The following DYNC1I1 variants were observed in gnomAD, a reference collection of about 807,000 sequenced individuals.
DYNC1I1 encodes the protein cytoplasmic dynein 1 intermediate chain 1.
A neutral mutation model predicts 86.6 loss-of-function variants in DYNC1I1; 43 were observed. That is an observed-to-expected ratio of 0.50 (90% CI 0.39 to 0.64). DYNC1I1 has a LOEUF of 0.64. Among genes scored for constraint, DYNC1I1 ranks in the 30% least tolerant of loss-of-function variants. The probability of loss-of-function intolerance (pLI) is 0.00; values close to 1 mark genes in which losing one functional copy is unlikely to be tolerated. For missense variants in DYNC1I1, 604 were observed against 788.8 expected, an observed-to-expected ratio of 0.77 and a Z score of 2.81; for synonymous variants, 262 against 283.7, an observed-to-expected ratio of 0.92 and a Z score of 0.77.
intron 14 of DYNC1I1, among the ~76,000 whole-genome samples, chr7:96,041,006 G>A (rs1317068682): frequency 3.9e-5 from 6 of 152,152 alleles, no homozygotes; most frequent in Non-Finnish European, 5.9e-5. Flanking sequence ...ACAGGCATGA[G>A]CCACCACACC....
chr7:95,919,255 T>C (rs559197599), intron 6 of DYNC1I1, among the ~76,000 whole-genome samples: 7 of 152,272 alleles, frequency 4.6e-5, no homozygotes, highest in African/African-American at 1.7e-4. Context: ...CTAGACATAA[T>C]ATTTTGTTGC....
chr7:95,838,160 T>C (rs1789170133), intron 5 of DYNC1I1, among the ~76,000 whole-genome samples: 1 of 152,258 alleles, frequency 6.6e-6, no homozygotes, highest in Admixed American at 6.5e-5. Flanking sequence ...AGTTGTATAG[T>C]TGCAGGTCTT....
At chr7:95,786,214 C>T (rs1037174850) in intron 1 of DYNC1I1, among the ~76,000 whole-genome samples, 11 of 152,042 alleles carry the variant, frequency 7.2e-5, no homozygotes, top group Middle Eastern at 3.2e-3. Context: ...TTCCCCATTG[C>T]GCCCTGCCAC....
intron 1 of DYNC1I1, among the ~76,000 whole-genome samples, chr7:95,798,076 T>C (rs1033322824): frequency 2.0e-5 from 3 of 152,188 alleles, no homozygotes; most frequent in African/African-American, 4.8e-5. Flanking sequence ...TTAATGTTAA[T>C]AGATAACCTA....
intron 5 of DYNC1I1, among the ~76,000 whole-genome samples, chr7:95,864,228 G>T (rs2116138549): frequency 6.6e-6 from 1 of 152,220 alleles, no homozygotes; most frequent in East Asian, 1.9e-4. Context: ...AAATGGAAAG[G>T]GGAATGGGGA....
chr7:95,946,260 A>G (rs11764244), intron 6 of DYNC1I1, among the ~76,000 whole-genome samples: 3,186 of 152,196 alleles, frequency 0.021, 55 homozygotes, highest in South Asian at 0.099. Context: ...ACGATTACCT[A>G]TGTCACAAAC....
chr7:96,108,973 C>A (rs1478337782), intron 16 of DYNC1I1, among the ~76,000 whole-genome samples: 7 of 151,704 alleles, frequency 4.6e-5, no homozygotes, highest in African/African-American at 1.5e-4. Context: ...TTCAAGGAAT[C>A]TATTTCATCC....
intron 6 of DYNC1I1, among the ~76,000 whole-genome samples, chr7:95,930,796 T>A (rs1014411579): frequency 6.6e-6 from 1 of 152,142 alleles, no homozygotes; most frequent in Non-Finnish European, 1.5e-5. Flanking sequence ...GTAAAAAAAA[T>A]ATTTAAAAAG....
chr7:96,068,473 A>G (rs1265921976), intron 14 of DYNC1I1, among the ~76,000 whole-genome samples: 1 of 152,160 alleles, frequency 6.6e-6, no homozygotes. Context: ...CTCTTTGAAA[A>G]TGTGTCTTTT....
intron 9 of DYNC1I1, among the ~76,000 whole-genome samples, chr7:95,992,422 T>A (rs2115734103): frequency 6.6e-6 from 1 of 152,186 alleles, no homozygotes; most frequent in South Asian, 2.1e-4. Flanking sequence ...AGACTTTAAG[T>A]GGGGTTCTTG....
Position 95,892,530 on chromosome 7 carries a change from C to T in DYNC1I1, c.490+22532C>T, listed in dbSNP as rs569021223. 9.2e-5 allele frequency among the ~76,000 whole-genome samples: 14 copies of T among 152,334 alleles called. No homozygotes were observed. In the East Asian group the frequency reaches 1.5e-3, roughly 17 times the overall value. On this transcript the variant is annotated intron_variant, in intron 6 of 16. Transcript: ENST00000447467. The stretch of plus-strand genomic sequence containing the variant: ...GTTTCACTGTGTAAGCCAGGATGGT[C>T]TCTATCTCCTGACCTCATGATCCTC...
intron 1 of DYNC1I1, among the ~76,000 whole-genome samples, chr7:95,775,995 C>T (rs1187561318): frequency 6.6e-6 from 1 of 152,148 alleles, no homozygotes; most frequent in East Asian, 1.9e-4. Context: ...CCTGTAATCT[C>T]AGCACTTTGG....
intron 6 of DYNC1I1, among the ~76,000 whole-genome samples, chr7:95,916,515 A>G (rs1261656237): frequency 1.3e-5 from 2 of 152,198 alleles, no homozygotes; most frequent in Non-Finnish European, 2.9e-5. Context: ...TTTGTGTTCT[A>G]TTAGATCTGA....
At chr7:96,069,587 C>A (rs575113956) in intron 14 of DYNC1I1, among the ~76,000 whole-genome samples, 5 of 152,264 alleles carry the variant, frequency 3.3e-5, no homozygotes, top group Admixed American at 2.6e-4. Flanking sequence ...TGAATGAGAA[C>A]CTTGGGTGGA....
intron 4 of DYNC1I1, among the ~76,000 whole-genome samples, chr7:95,814,972 T>C (rs1015019770): frequency 6.6e-6 from 1 of 150,616 alleles, no homozygotes; most frequent in African/African-American, 2.4e-5. Context: ...GCTGGCACAA[T>C]ATAATCACAT....
chr7:95,776,458 T>C (rs1163108707), intron 1 of DYNC1I1, among the ~76,000 whole-genome samples: 1 of 152,204 alleles, frequency 6.6e-6, no homozygotes, highest in Non-Finnish European at 1.5e-5. Context: ...CAGATGGTCA[T>C]TGAACCCACT....
At chr7:96,101,695 G>T (rs184296977), downstream of DYNC1I1, among the ~76,000 whole-genome samples, 4 of 152,088 alleles carry the variant, frequency 2.6e-5, no homozygotes, top group African/African-American at 9.7e-5. Flanking sequence ...GGGTCATTCC[G>T]TCATTCCTCC....
chr7:96,000,650 A>T (rs1793987665), intron 10 of DYNC1I1, among the ~76,000 whole-genome samples: 1 of 152,218 alleles, frequency 6.6e-6, no homozygotes, highest in Admixed American at 6.5e-5. Flanking sequence ...TAAATCAAAC[A>T]GCAGGAATTT....
intron 6 of DYNC1I1, among the ~76,000 whole-genome samples, chr7:95,895,412 C>G (rs1790855709): frequency 1.3e-5 from 2 of 152,196 alleles, no homozygotes; most frequent in South Asian, 2.1e-4. Context: ...TCGGCAATTT[C>G]TCATGTGGTT....
Sources: gnomAD v4.1 joint callset for allele counts (sites outside exome capture counted in the v4.1 genomes callset) on GRCh38, gnomAD v4.1.1 for gene constraint, MANE v1.5 for transcripts, NCBI Gene and HGNC (gene_info 2026-07-23, HGNC 2026-07-21) for gene names.